Variants in TRPC4 observed in about 807,000 individuals in gnomAD.
The protein encoded by TRPC4 is transient receptor potential cation channel subfamily C member 4, also known as short transient receptor potential channel 4.
TRPC4 carries 49 observed loss-of-function variants against 99.4 expected under a neutral mutation model. The observed-to-expected ratio is 0.49, with a 90% confidence interval of 0.39 to 0.63. TRPC4 has a LOEUF of 0.63. Among genes scored for constraint, TRPC4 ranks in the 20% least tolerant of loss-of-function variants. The pLI is 0.00. For synonymous variants in TRPC4, 454 were observed against 425.9 expected (o/e 1.07, Z -0.81); for missense variants, 898 against 1,152.9 (o/e 0.78, Z 3.20).
chr13:37,783,062 C>T lies in TRPC4; in HGVS notation c.272G>A (p.Ser91Asn). ...ENLELIELLL[S>N]FNVYVGDALL... ...AGCATCTCCAACATAGACATTAAAG[C>T]TTAAGAGTAGTTCGATGAGCTCCAA... The change falls in exon 2 of 11, where the codon AGC becomes AAC. Residue 91 changes from serine (S) to asparagine (N), a missense_variant. Physicochemically the swap from Ser to Asn is conservative, Grantham distance 46. Transcript: ENST00000379705. 1 of 1,613,234 alleles carries T rather than the reference C, an allele frequency of 6.2e-7. No homozygotes were observed. Among genetic ancestry groups the T allele is most frequent in the East Asian group, 2.2e-5 (1 of 44,744 alleles).
At chr13:37,735,604 G>C (rs181463014) in intron 3 of TRPC4, among the ~76,000 whole-genome samples, 195 of 152,234 alleles carry the variant, frequency 1.3e-3, no homozygotes, top group African/African-American at 4.4e-3. Context: ...GCACTTTCTT[G>C]TCAATCATCA....
intron 4 of TRPC4, among the ~76,000 whole-genome samples, chr13:37,682,445 G>C (rs959404409): frequency 6.6e-6 from 1 of 152,164 alleles, no homozygotes; most frequent in African/African-American, 2.4e-5. Flanking sequence ...TTATTCAGTA[G>C]AAACCCACTT....
At chr13:37,759,186 G>T (rs1341349948) in intron 2 of TRPC4, among the ~76,000 whole-genome samples, 1 of 151,754 alleles carries the variant, frequency 6.6e-6, no homozygotes, top group Non-Finnish European at 1.5e-5. Context: ...TGAAAAAGCA[G>T]TTCATTTACT....
chr13:37,677,631 G>C (rs1010924595), intron 4 of TRPC4, among the ~76,000 whole-genome samples: 2 of 152,082 alleles, frequency 1.3e-5, no homozygotes, highest in African/African-American at 4.8e-5. Flanking sequence ...TGTGCTTGCA[G>C]TTAACAAAAG....
chr13:37,718,582 T>C (rs936176599), intron 3 of TRPC4, among the ~76,000 whole-genome samples: 11 of 151,806 alleles, frequency 7.2e-5, no homozygotes, highest in Non-Finnish European at 1.5e-4. Flanking sequence ...GAAATAGAAA[T>C]TATAAAACAG....
At chr13:37,864,112 AC>A (rs1243399951) in intron 1 of TRPC4, among the ~76,000 whole-genome samples, 1 of 151,696 alleles carries the variant, frequency 6.6e-6, no homozygotes. Context: ...CCCTCATGCC[AC>A]CCACAATGGA....
Position 37,642,152 on chromosome 13 carries a change from A to C in TRPC4, c.2080-2853T>G, listed in dbSNP as rs545188239. On this transcript the variant is annotated intron_variant, in intron 8 of 10. Transcript: ENST00000379705. ...TAGGAAACTTGCATGTAAGTGATAG[A>C]GTAAGAGAATACTTCTGGTAAATTT... is the stretch of plus-strand genomic sequence containing the variant. Among the ~76,000 whole-genome samples, 4 of 152,292 alleles carry C rather than the reference A, an allele frequency of 2.6e-5. No individual in the cohort carries two copies. The East Asian group carries it at 7.8e-4, about 30-fold the overall frequency.
intron 1 of TRPC4, among the ~76,000 whole-genome samples, chr13:37,854,601 G>A (rs762676893): frequency 2.0e-5 from 3 of 152,000 alleles, no homozygotes; most frequent in Non-Finnish European, 2.9e-5. Flanking sequence ...AAGTTAAAAA[G>A]CAGAGGAATA....
intron 1 of TRPC4, among the ~76,000 whole-genome samples, chr13:37,814,986 G>T (rs1957806494): frequency 6.6e-6 from 1 of 151,640 alleles, no homozygotes; most frequent in African/African-American, 2.4e-5. Flanking sequence ...AGACATAAAG[G>T]TCAATAAAAT....
chr13:37,763,735 A>T (rs1193590036), intron 2 of TRPC4, among the ~76,000 whole-genome samples: 1 of 151,808 alleles, frequency 6.6e-6, no homozygotes, highest in Non-Finnish European at 1.5e-5. Flanking sequence ...AACCACAAGG[A>T]TGAACCATTG....
chr13:37,854,124 A>G (rs1324735205), intron 1 of TRPC4, among the ~76,000 whole-genome samples: 1 of 152,112 alleles, frequency 6.6e-6, no homozygotes, highest in Non-Finnish European at 1.5e-5. Context: ...ACCTTGAAAC[A>G]TTTAATATTG....
At chr13:37,761,193 GC>G in intron 2 of TRPC4, among the ~76,000 whole-genome samples, 1 of 152,014 alleles carries the variant, frequency 6.6e-6, no homozygotes, top group East Asian at 2.0e-4. Flanking sequence ...TGAAACACTT[GC>G]CATGTGCCAT....
chr13:37,652,136 C>T lies in TRPC4; in HGVS notation c.1885-677G>A, dbSNP rs543616071. 2.0e-5 allele frequency among the ~76,000 whole-genome samples: 3 copies of T among 152,326 alleles called. No homozygotes were observed. The East Asian group carries it at 5.8e-4, about 29-fold the overall frequency. On this transcript the variant is annotated intron_variant, in intron 7 of 10. Coordinates refer to ENST00000379705, the MANE Select transcript of TRPC4 (RefSeq NM_016179.4). Reference sequence around the variant, plus strand: ...GTATTACTCACTCCACTTTATTAACCTCCTGAGGAAACTTTGGTACATTTG... The same window carrying T: ...GTATTACTCACTCCACTTTATTAACTTCCTGAGGAAACTTTGGTACATTTG...
intron 1 of TRPC4, among the ~76,000 whole-genome samples, chr13:37,796,968 A>ATAAAATAAAATAAAGTAAAGTAAAG (rs1555273561): frequency 5.0e-4 from 58 of 115,108 alleles, no homozygotes; most frequent in African/African-American, 2.0e-3. Context: ...ATAAAATAAA[A>ATAAAATAAAATAAAGTAAAGTAAAG]TAAAGTAAAG....
intron 1 of TRPC4, among the ~76,000 whole-genome samples, chr13:37,848,657 T>C (rs1958975422): frequency 6.6e-6 from 1 of 152,020 alleles, no homozygotes; most frequent in African/African-American, 2.4e-5. Flanking sequence ...AACGCAAGCC[T>C]AGTTAGGAGA....
chr13:37,845,965 T>C (rs1354278967), intron 1 of TRPC4, among the ~76,000 whole-genome samples: 3 of 152,094 alleles, frequency 2.0e-5, no homozygotes, highest in Admixed American at 1.3e-4. Flanking sequence ...ACAATATGGC[T>C]TTTGGCAGAT....
intron 1 of TRPC4, among the ~76,000 whole-genome samples, chr13:37,852,952 G>A (rs1403503982): frequency 2.0e-5 from 3 of 152,136 alleles, no homozygotes; most frequent in Non-Finnish European, 4.4e-5. Context: ...CAGTAGAATG[G>A]AACATCAGGC....
At chr13:37,712,020 A>G (rs1021521708) in intron 3 of TRPC4, among the ~76,000 whole-genome samples, 9 of 152,032 alleles carry the variant, frequency 5.9e-5, no homozygotes, top group Non-Finnish European at 1.3e-4. Flanking sequence ...CGCTTTCAGC[A>G]TATTTCCATT....
chr13:37,750,072 A>G (rs1211405268), intron 2 of TRPC4, among the ~76,000 whole-genome samples: 1 of 152,120 alleles, frequency 6.6e-6, no homozygotes, highest in Non-Finnish European at 1.5e-5. Context: ...TGAAAATTTT[A>G]TATAAATAGA....
Sources: gnomAD v4.1 joint callset for allele counts (sites outside exome capture counted in the v4.1 genomes callset) on GRCh38, gnomAD v4.1.1 for gene constraint, MANE v1.5 for transcripts, NCBI Gene and HGNC (gene_info 2026-07-23, HGNC 2026-07-21) for gene names.